Variants in TPCN1 observed in about 807,000 individuals in gnomAD.
The protein encoded by TPCN1 is two pore channel protein 1.
In TPCN1, 52 loss-of-function variants were observed where a neutral mutation model predicts 108.8. The observed-to-expected ratio is 0.48, with a 90% confidence interval of 0.38 to 0.60. The LOEUF is 0.60. TPCN1 is among the 20% of genes least tolerant of loss of function. The probability of loss-of-function intolerance (pLI) is 0.00; values close to 1 mark genes in which losing one functional copy is unlikely to be tolerated. For synonymous variants in TPCN1, 446 were observed against 433.7 expected, an observed-to-expected ratio of 1.03 and a Z score of -0.35; for missense variants, 806 against 1,072.8, an observed-to-expected ratio of 0.75 and a Z score of 3.47.
At chr12:113,265,986 C>T (rs993188851) in intron 3 of TPCN1, among the ~76,000 whole-genome samples, 194 bp from the exon 4 acceptor site, 3 of 152,140 alleles carry the variant, frequency 2.0e-5, no homozygotes, top group Non-Finnish European at 4.4e-5. Context: ...CTCTTGAGCC[C>T]ATCAGCAGGC....
At chr12:113,227,497 G>A in intron 2 of TPCN1, among the ~76,000 whole-genome samples, 1 of 152,144 alleles carries the variant, frequency 6.6e-6, no homozygotes, top group African/African-American at 2.4e-5. Context: ...GTCTTCCTCT[G>A]AACCAAAGCC....
At position 113,286,982 on chromosome 12, in the gene TPCN1, T is replaced by C. The variant is rs1660433144; in HGVS notation, c.1527-5T>C. The C allele has an allele frequency of 6.2e-7, 1 of 1,612,182 alleles. No homozygotes were observed. Among genetic ancestry groups the C allele is most frequent in the Admixed American group, 1.7e-5 (1 of 59,986 alleles). ...GGGTGGACCTTGGCCTCTCCCCTACTGCAGGTTTGACTTCTCCGTGACAGT... is the reference window on the plus strand; with the variant it reads ...GGGTGGACCTTGGCCTCTCCCCTACCGCAGGTTTGACTTCTCCGTGACAGT... On this transcript the variant is annotated splice_region_variant and splice_polypyrimidine_tract_variant and intron_variant, in intron 18 of 27. Transcript: ENST00000335509.
At chr12:113,278,477 T>G (rs1955749902) in intron 13 of TPCN1, among the ~76,000 whole-genome samples, 1 of 152,218 alleles carries the variant, frequency 6.6e-6, no homozygotes, top group Non-Finnish European at 1.5e-5. Flanking sequence ...GGTTATTGTG[T>G]GACATCAGGC....
Position 113,288,451 on chromosome 12 carries a change from C to T in TPCN1, c.1706+217C>T. ...TGTCTGACATATTTAGTAGGGAGGG[C>T]AGGGAGCTGTCAACTCGCTTACCAC... On this transcript the variant is annotated intron_variant, in intron 20 of 27. Transcript: ENST00000335509. The surrounding 1 kb of genome is among the most constrained non-coding windows in gnomAD (Gnocchi z 4.8). The T allele has an allele frequency of 2.0e-6, 3 of 1,491,098 alleles. No individual in the cohort carries two copies. Among genetic ancestry groups the T allele is most frequent in the Non-Finnish European group, 2.7e-6 (3 of 1,121,976 alleles). 92.4% of individuals were successfully genotyped at this position (1,491,098 alleles called of 1,614,324 possible).
intron 2 of TPCN1, among the ~76,000 whole-genome samples, chr12:113,256,707 A>T (rs1367451410): frequency 1.3e-5 from 2 of 152,022 alleles, no homozygotes; most frequent in South Asian, 2.1e-4. Context: ...TTTTATTTTA[A>T]TTTTTTTGTA....
In TPCN1 at chr12:113,277,053, G is replaced by C. The variant is rs780375446; in HGVS notation, c.1059+18G>C. On this transcript the variant is annotated intron_variant, in intron 11 of 27. Coordinates refer to ENST00000335509, the MANE Select transcript of TPCN1 (RefSeq NM_017901.6). ...GCCAGAGGGTAGGAACTATGGGCCA[G>C]GGAGGGGCTTGGTCCCTGTCCTCCC... 1.9e-6 allele frequency: 3 copies of C among 1,609,306 alleles called. No individual in the cohort carries two copies. In the Admixed American group the frequency reaches 5.0e-5, roughly 27 times the overall value.
intron 27 of TPCN1, among the ~76,000 whole-genome samples, chr12:113,295,424 A>G (rs1163494071): frequency 6.8e-6 from 1 of 147,658 alleles, no homozygotes; most frequent in African/African-American, 2.5e-5. Flanking sequence ...CCTGTGCCAC[A>G]CAGTGAATCT....
At chr12:113,247,186 G>A (rs1466490153) in intron 2 of TPCN1, among the ~76,000 whole-genome samples, 2 of 152,190 alleles carry the variant, frequency 1.3e-5, no homozygotes, top group Non-Finnish European at 2.9e-5. Context: ...GGCCAGCTGG[G>A]GGCCCCTGCA....
chr12:113,288,718 C>T lies in TPCN1; in HGVS notation c.1707-40C>T. ...CGGGGCTGCAGAGGAGCCGTTCCCT[C>T]CTGCCGGCCCCGCGTCACCCTGCCC... On this transcript the variant is annotated intron_variant, in intron 20 of 27. Coordinates refer to ENST00000335509, the MANE Select transcript of TPCN1 (RefSeq NM_017901.6). The surrounding 1 kb of genome is among the most constrained non-coding windows in gnomAD (Gnocchi z 4.8). 11 of 1,606,876 alleles carry T rather than the reference C, an allele frequency of 6.8e-6. No individual in the cohort carries two copies. Among genetic ancestry groups the T allele is most frequent in the Non-Finnish European group, 8.5e-6 (10 of 1,179,148 alleles).
intron 2 of TPCN1, among the ~76,000 whole-genome samples, chr12:113,251,740 T>C (rs1350313182): frequency 6.6e-6 from 1 of 152,222 alleles, no homozygotes; most frequent in Non-Finnish European, 1.5e-5. Context: ...AGCAGCCAGC[T>C]CTAAAGATCC....
At position 113,260,428 on chromosome 12, in the gene TPCN1, G is replaced by A; in HGVS notation, c.173G>A (p.Ser58Asn). The change falls in exon 3 of 28, where the codon AGT becomes AAT. Residue 58 changes from serine (S) to asparagine (N), a missense_variant. By Grantham distance (46) the Ser-to-Asn change is conservative (BLOSUM62 1). Transcript: ENST00000335509. ...QAPSLSSGGE[S>N]SPSSPAHNWE... is the part of the protein sequence containing the mutation. ...CCCAGTCTCAGCTCTGGGGGTGAGA[G>A]TTCCCCCTCCAGCCCCGCACACAAC... 1 of 1,553,728 alleles carries A rather than the reference G, an allele frequency of 6.4e-7. No individual in the cohort carries two copies.
chr12:113,268,724 C>T lies in TPCN1; in HGVS notation c.529-18C>T, dbSNP rs1327048939. The T allele has an allele frequency of 9.9e-6, 16 of 1,612,526 alleles. No homozygotes were observed. The highest frequency in any genetic ancestry group is 1.4e-5 in the Non-Finnish European group (16 of 1,179,822). ...TGGGCTGCAGGGGCTGACGGTGCTC[C>T]ATGCCTGCCACCCACAGACCTCGGT... On this transcript the variant is annotated intron_variant, in intron 5 of 27. Coordinates refer to ENST00000335509, the MANE Select transcript of TPCN1 (RefSeq NM_017901.6). The surrounding 1 kb of genome is among the most constrained non-coding windows in gnomAD (Gnocchi z 7.3).
intron 14 of TPCN1, 86 bp downstream of exon 14, chr12:113,278,921 T>A: frequency 8.2e-7 from 1 of 1,220,060 alleles, no homozygotes; most frequent in Admixed American, 1.7e-5. Context: ...TGAGGAGAGG[T>A]TCAGAGGGGT....
At chr12:113,261,129 A>C (rs2136580391) in intron 3 of TPCN1, among the ~76,000 whole-genome samples, 1 of 152,236 alleles carries the variant, frequency 6.6e-6, no homozygotes, top group South Asian at 2.1e-4. Flanking sequence ...GGTTGCAGTG[A>C]GCCGAGATCG....
chr12:113,290,191 G>A lies in TPCN1; in HGVS notation c.1860G>A (p.Val620=), dbSNP rs548497117. ...RNHTVGNRTV[V]EEGYYYLNNF... is the part of the protein sequence containing the mutation. ...ACACCGTGGGCAACAGGACCGTGGT[G>A]GAGGAAGGCTACTATTATCTCAATA... is the stretch of plus-strand genomic sequence containing the variant. Residue 620 remains valine (V), a synonymous_variant, in exon 22 of 28, where the codon GTG becomes GTA. Transcript: ENST00000335509. 15 of 1,608,004 alleles carry A rather than the reference G, an allele frequency of 9.3e-6. No homozygotes were observed. Among genetic ancestry groups the A allele is most frequent in the Non-Finnish European group, 1.3e-5 (15 of 1,177,004 alleles).
At chr12:113,241,419 C>T (rs977170395) in intron 2 of TPCN1, among the ~76,000 whole-genome samples, 15 of 152,202 alleles carry the variant, frequency 9.9e-5, no homozygotes, top group Non-Finnish European at 2.1e-4. Flanking sequence ...CCGGGTCCAG[C>T]CAGCCCCCAG....
chr12:113,254,935 T>A (rs867871611), intron 2 of TPCN1, among the ~76,000 whole-genome samples: 1 of 152,258 alleles, frequency 6.6e-6, no homozygotes, highest in African/African-American at 2.4e-5. Context: ...ACTTCTAGCT[T>A]ACATCATACT....
intron 2 of TPCN1, among the ~76,000 whole-genome samples, chr12:113,236,562 G>A (rs1188738290): frequency 6.6e-6 from 1 of 151,708 alleles, no homozygotes; most frequent in Admixed American, 6.6e-5. Context: ...GCAGTGAGTC[G>A]AGATTGTCAC....
intron 19 of TPCN1, 64 bp downstream of exon 19, chr12:113,287,158 T>C: frequency 7.2e-7 from 1 of 1,388,390 alleles, no homozygotes; most frequent in Non-Finnish European, 1.0e-6. Context: ...GCCCCAGGAT[T>C]GATCCGGGAA....
Sources: gnomAD v4.1 joint callset for allele counts (sites outside exome capture counted in the v4.1 genomes callset) on GRCh38, gnomAD v4.1.1 for gene constraint, Gnocchi (gnomAD v3.1) non-coding constraint, MANE v1.5 for transcripts, NCBI Gene and HGNC (gene_info 2026-07-23, HGNC 2026-07-21) for gene names.